The following NAMPT variants were observed in gnomAD, a reference collection of about 807,000 sequenced individuals.
The protein encoded by NAMPT is nicotinamide phosphoribosyltransferase, also known as NAmPRTase.
Under a neutral mutation model 58.7 loss-of-function variants are expected in NAMPT, and 7 were observed. The ratio of observed to expected loss-of-function variants is 0.12; its 90% CI spans 0.07 to 0.22. The LOEUF is 0.22. Ranked by LOEUF, NAMPT falls within the 10% of genes least tolerant of loss-of-function variation. The pLI, the probability that NAMPT is intolerant of heterozygous loss-of-function variation, is 1.00. For missense variants in NAMPT, 271 were observed against 567.9 expected, an observed-to-expected ratio of 0.48 and a Z score of 5.31; for synonymous variants, 145 against 198.1, an observed-to-expected ratio of 0.73 and a Z score of 2.25.
intron 1 of NAMPT, among the ~76,000 whole-genome samples, chr7:106,282,692 G>C (rs1792789534): frequency 6.6e-6 from 1 of 152,228 alleles, no homozygotes; most frequent in South Asian, 2.1e-4. Flanking sequence ...TCATGTGCTT[G>C]CTACCATACC....
chr7:106,267,239 C>A (rs1314371842), intron 6 of NAMPT, among the ~76,000 whole-genome samples: 1 of 152,062 alleles, frequency 6.6e-6, no homozygotes, highest in Non-Finnish European at 1.5e-5. Flanking sequence ...TTAATTGTAC[C>A]TCCTTACGAG....
At chr7:106,280,837 A>C (rs1179143305) in intron 1 of NAMPT, among the ~76,000 whole-genome samples, 1 of 151,920 alleles carries the variant, frequency 6.6e-6, no homozygotes, top group Non-Finnish European at 1.5e-5. Context: ...GCTACTCAGG[A>C]GACTGAGGCA....
chr7:106,254,869 C>T (rs1259967004), intron 8 of NAMPT, among the ~76,000 whole-genome samples: 2 of 152,176 alleles, frequency 1.3e-5, no homozygotes, highest in Non-Finnish European at 2.9e-5. Context: ...CTCAGCAACA[C>T]AAGCAATGGG....
intron 7 of NAMPT, among the ~76,000 whole-genome samples, chr7:106,262,010 A>C (rs1792312612): frequency 6.6e-6 from 1 of 152,040 alleles, no homozygotes; most frequent in African/African-American, 2.4e-5. Flanking sequence ...AAAATCCTTA[A>C]TATTAAATAA....
At chr7:106,268,171 TC>T (rs1792465240) in intron 6 of NAMPT, among the ~76,000 whole-genome samples, 2 of 152,058 alleles carry the variant, frequency 1.3e-5, no homozygotes, top group African/African-American at 2.4e-5. Flanking sequence ...ATGAATAAAA[TC>T]TACCTACATA....
At chr7:106,275,516 A>G (rs1586025271) in intron 2 of NAMPT, 1 of 153,046 alleles carries the variant, frequency 6.5e-6, no homozygotes, top group African/African-American at 2.4e-5. Context: ...TTATCCGTAA[A>G]TGAGGATAAA....
In NAMPT at chr7:106,263,503, C is replaced by T. The variant is rs61747509; in HGVS notation, c.858G>A (p.Ala286=). 1.2e-5 allele frequency: 20 copies of T among 1,608,728 alleles called. No homozygotes were observed. The highest frequency in any genetic ancestry group is 3.3e-5 in the South Asian group (3 of 90,970). The change falls in exon 7 of 11, where the codon GCG becomes GCA. Residue 286 remains alanine, a synonymous_variant. Coordinates refer to ENST00000222553, the MANE Select transcript of NAMPT (RefSeq NM_005746.3). ...GATCTTCACCCCATATTTTCTCACA[C>T]GCATTATAAATGTCATAGCTATCGC... ...VVSDSYDIYN[A]CEKIWGEDLR...
intron 8 of NAMPT, among the ~76,000 whole-genome samples, chr7:106,258,922 C>A (rs537991352): frequency 6.6e-6 from 1 of 150,920 alleles, no homozygotes; most frequent in Non-Finnish European, 1.5e-5. Context: ...GACTCTATCA[C>A]GAAAGATTTA....
chr7:106,268,465 T>C lies in NAMPT; in HGVS notation c.742A>G (p.Ser248Gly). The change falls in exon 6 of 11, where the codon AGT (serine) becomes GGT (glycine). Residue 248 changes from serine to glycine, a missense_variant and splice_region_variant. Around this residue, in one of 4 missense-constraint regions of NAMPT, gnomAD observed 143 missense variants for 331.1 expected, o/e 0.43. Transcript: ENST00000222553. ...PGYSVPAAEH[S>G]TITAWGKDHE... ...TAAAAAATGAACAGAATTTTTTACCTGTGTTCTGCTGCTGGAACAGAATAG... is the reference window on the plus strand; with the variant it reads ...TAAAAAATGAACAGAATTTTTTACCCGTGTTCTGCTGCTGGAACAGAATAG... 6.3e-7 allele frequency: 1 copy of C among 1,598,386 alleles called. No individual in the cohort carries two copies. The highest frequency in any genetic ancestry group is 8.5e-7 in the Non-Finnish European group (1 of 1,175,408).
chr7:106,270,325 T>C, intron 4 of NAMPT: 2 of 394,150 alleles, frequency 5.1e-6, no homozygotes, highest in East Asian at 8.7e-5. Context: ...GATGATGCAA[T>C]GTCTGTGCTG....
upstream of NAMPT, chr7:106,285,086 C>A: frequency 7.4e-7 from 1 of 1,347,860 alleles, no homozygotes; most frequent in South Asian, 1.7e-5. Flanking sequence ...ACGGCTGCGG[C>A]GGCTCGCGTG....
chr7:106,285,241 G>C, upstream of NAMPT: 2 of 942,122 alleles, frequency 2.1e-6, no homozygotes, highest in Non-Finnish European at 2.6e-6. Context: ...CGTGATGCAC[G>C]CGCTCTTCCT....
At chr7:106,285,357 C>T (rs1792858835), upstream of NAMPT, 1 of 443,174 alleles carries the variant, frequency 2.3e-6, no homozygotes, top group Non-Finnish European at 3.0e-6. Context: ...GAGGGCGGGG[C>T]CTGGAGGGGG....
chr7:106,255,850 A>G (rs981162568), intron 8 of NAMPT, among the ~76,000 whole-genome samples: 24 of 152,204 alleles, frequency 1.6e-4, no homozygotes, highest in African/African-American at 5.8e-4. Flanking sequence ...AAGAAAAGGG[A>G]AACAGGTAGA....
chr7:106,282,474 T>C (rs992538313), intron 1 of NAMPT, among the ~76,000 whole-genome samples: 2 of 152,198 alleles, frequency 1.3e-5, no homozygotes, highest in Admixed American at 6.5e-5. Flanking sequence ...TCATAACTAA[T>C]GGATAATGCG....
At chr7:106,271,226 A>T (rs1792527087) in intron 4 of NAMPT, among the ~76,000 whole-genome samples, 1 of 152,028 alleles carries the variant, frequency 6.6e-6, no homozygotes, top group Non-Finnish European at 1.5e-5. Flanking sequence ...TATCTTATAC[A>T]TTTTTCACTT....
intron 6 of NAMPT, chr7:106,268,241 T>C (rs554701872): frequency 1.4e-5 from 5 of 368,380 alleles, no homozygotes; most frequent in Admixed American, 8.4e-5. Flanking sequence ...GCAATATAAG[T>C]ATTGGAAAAA....
At chr7:106,274,897 G>C in intron 3 of NAMPT, 49 bp downstream of exon 3, 1 of 1,210,460 alleles carries the variant, frequency 8.3e-7, no homozygotes, top group Non-Finnish European at 1.2e-6. Flanking sequence ...AAGAAGTTTT[G>C]AACTGAAAGA....
intron 5 of NAMPT, 146 bp downstream of exon 5, chr7:106,269,008 G>A: frequency 1.4e-6 from 1 of 703,640 alleles, no homozygotes; most frequent in Non-Finnish European, 2.4e-6. Flanking sequence ...CCTGAACACA[G>A]TAGTAGGTAC....
Sources: gnomAD v4.1 joint callset for allele counts (sites outside exome capture counted in the v4.1 genomes callset) on GRCh38, gnomAD v4.1.1 for gene constraint, gnomAD v4.1.1 regional missense constraint, MANE v1.5 for transcripts, NCBI Gene and HGNC (gene_info 2026-07-23, HGNC 2026-07-21) for gene names.